Variants in CAST observed in about 807,000 individuals in gnomAD.
CAST encodes the protein calpastatin.
In CAST, 76 loss-of-function variants were observed where a neutral mutation model predicts 119.6. The ratio of observed to expected loss-of-function variants is 0.64; its 90% confidence interval spans 0.53 to 0.77. CAST has a LOEUF of 0.77. CAST is among the 30% of genes least tolerant of loss of function. The pLI, the probability that CAST is intolerant of heterozygous loss-of-function variation, is 0.00. For synonymous variants in CAST, 319 were observed against 331.6 expected (o/e 0.96, Z 0.41); for missense variants, 953 against 946.5 (o/e 1.01, Z -0.09).
At chr5:96,232,170 C>A in the CAST span, among the ~76,000 whole-genome samples, 2 of 151,964 alleles carry the variant, frequency 1.3e-5, no homozygotes, top group Non-Finnish European at 1.5e-5. Flanking sequence ...AAGATACTTA[C>A]AAAAAATTGA....
the CAST span, among the ~76,000 whole-genome samples, chr5:96,290,243 G>A: frequency 6.6e-6 from 1 of 152,182 alleles, no homozygotes; most frequent in African/African-American, 2.4e-5. Context: ...GAATATCAAG[G>A]CACAGAAACA....
rs933149084 is a variant in CAST, at chr5:96,753,984, C to T, written c.1525-76C>T. On this transcript the variant is annotated intron_variant, in intron 20 of 31. Transcript: ENST00000675179. ...CCTTTTATCTGAAATAATGATATGCCTTTCTGAATTGATAGCATATGTTTT... is the reference window on the plus strand; with the variant it reads ...CCTTTTATCTGAAATAATGATATGCTTTTCTGAATTGATAGCATATGTTTT... 12 of 819,852 alleles carry T rather than the reference C, an allele frequency of 1.5e-5. No individual in the cohort carries two copies. In the African/African-American group the frequency reaches 1.5e-4, roughly 10 times the overall value. The allele number at this position is 819,852 out of a possible 1,614,324, so 50.8% of individuals were successfully genotyped here.
rs11375615 is a variant in CAST at position 96,561,796 on chromosome 5, G to GTTTTTTTTTTTTTTTTTTT, written c.60+31930_60+31931insTTTTTTTTTTTTTTTTTTT. ...GTGTATTATATATATGTTTTTTTTT[G>GTTTTTTTTTTTTTTTTTTT]TTTTTTTTTTTTTTGAGACGGAGTC... On this transcript the variant is annotated intron_variant, in intron 1 of 11. Transcript: ENST00000505143. Among the ~76,000 whole-genome samples the GTTTTTTTTTTTTTTTTTTT allele has an allele frequency of 1.2e-3, 116 of 97,398 alleles. 1 individual carries two copies. The highest frequency in any genetic ancestry group is 3.0e-3 in the South Asian group (7 of 2,336). The allele number at this position is 97,398 out of a possible 152,430, so 63.9% of individuals were successfully genotyped here. A position where few individuals can be genotyped will look rare whatever the true frequency, so the allele number is the denominator to read the frequency against.
chr5:96,399,138 C>A, the CAST span: 3 of 801,588 alleles, frequency 3.7e-6, no homozygotes, highest in Non-Finnish European at 6.3e-6. Context: ...CTCAACTAAG[C>A]TTTTTGTCAC....
the CAST span, among the ~76,000 whole-genome samples, chr5:96,268,633 A>G: frequency 6.6e-6 from 1 of 152,170 alleles, no homozygotes; most frequent in African/African-American, 2.4e-5. Context: ...AAGGCACAGC[A>G]TAGCTGAATG....
At chr5:96,175,806 A>G in the CAST span, among the ~76,000 whole-genome samples, 4 of 152,230 alleles carry the variant, frequency 2.6e-5, no homozygotes, top group African/African-American at 9.6e-5. Flanking sequence ...TAGTTTGCTC[A>G]AACTTTTGTG....
intron 1 of CAST, among the ~76,000 whole-genome samples, chr5:96,584,215 A>T (rs1280428855): frequency 6.6e-6 from 1 of 152,160 alleles, no homozygotes; most frequent in Non-Finnish European, 1.5e-5. Context: ...CACAACCTAG[A>T]TCCTTGGCAT....
At chr5:96,633,817 G>A (rs1364356344) in intron 1 of CAST, among the ~76,000 whole-genome samples, 3 of 152,192 alleles carry the variant, frequency 2.0e-5, no homozygotes, top group Non-Finnish European at 4.4e-5. Context: ...TCTAGCGAAA[G>A]GTTCAGCTTC....
chr5:96,272,307 C>T, the CAST span, among the ~76,000 whole-genome samples: 3 of 152,152 alleles, frequency 2.0e-5, no homozygotes, highest in African/African-American at 7.2e-5. Flanking sequence ...TATCTCTGTA[C>T]TCCCATGTTT....
chr5:96,473,005 A>C, the CAST span, among the ~76,000 whole-genome samples: 2 of 152,164 alleles, frequency 1.3e-5, no homozygotes, highest in African/African-American at 4.8e-5. Flanking sequence ...CTGCTCCCAT[A>C]GCCACATGGC....
chr5:96,540,969 T>C (rs1025318233), intron 1 of CAST, among the ~76,000 whole-genome samples: 17 of 152,186 alleles, frequency 1.1e-4, no homozygotes, highest in African/African-American at 3.9e-4. Context: ...AAGTAGTTTT[T>C]GTCAGGTTTG....
chr5:96,567,013 G>A (rs577204895), intron 1 of CAST, among the ~76,000 whole-genome samples: 33 of 152,294 alleles, frequency 2.2e-4, no homozygotes, highest in Admixed American at 1.0e-3. Flanking sequence ...GAAGGGCCAC[G>A]AGGGCTGGTG....
chr5:96,305,439 C>A, the CAST span, among the ~76,000 whole-genome samples: 1 of 152,166 alleles, frequency 6.6e-6, no homozygotes, highest in South Asian at 2.1e-4. Flanking sequence ...TTTGAATACG[C>A]TTTATTGCTT....
chr5:96,005,941 A>G, the CAST span, among the ~76,000 whole-genome samples: 1 of 152,212 alleles, frequency 6.6e-6, no homozygotes. Flanking sequence ...GATTTTCAAG[A>G]CAAAATTAAA....
At chr5:96,142,982 T>G in the CAST span, among the ~76,000 whole-genome samples, 1 of 152,194 alleles carries the variant, frequency 6.6e-6, no homozygotes, top group Non-Finnish European at 1.5e-5. Context: ...ACCCTGAAGT[T>G]TGACACTCTG....
chr5:96,299,830 A>T, the CAST span, among the ~76,000 whole-genome samples: 1 of 152,056 alleles, frequency 6.6e-6, no homozygotes, highest in Non-Finnish European at 1.5e-5. Context: ...GTACAAAGTG[A>T]TGATGTGATT....
At chr5:96,429,390 C>G in the CAST span, 1 of 836,424 alleles carries the variant, frequency 1.2e-6, no homozygotes, top group Non-Finnish European at 2.0e-6. Context: ...TAAAACTCAG[C>G]TAACTTAGAG....
chr5:96,045,909 G>A, the CAST span, among the ~76,000 whole-genome samples: 1 of 152,160 alleles, frequency 6.6e-6, no homozygotes, highest in African/African-American at 2.4e-5. Context: ...TCACAGTATG[G>A]AGACAGAAAG....
In CAST at chr5:96,750,030, T is replaced by C. The variant is rs75870016; in HGVS notation, c.1429-557T>C. Among the ~76,000 whole-genome samples, 68 of 152,308 alleles carry C rather than the reference T, an allele frequency of 4.5e-4. 1 individual carries two copies. In the East Asian group the frequency reaches 9.8e-3, roughly 22 times the overall value. On this transcript the variant is annotated intron_variant, in intron 19 of 31. Transcript: ENST00000675179. ...CTAGGTTCCCTTATGGTGCTGAGGC[T>C]GTTAGTTCAGGGATTACACTTCCAA...
Sources: allele counts gnomAD v4.1 joint callset (sites outside exome capture counted in the v4.1 genomes callset), GRCh38; gene constraint gnomAD v4.1.1; transcripts MANE v1.5; gene names NCBI Gene and HGNC (gene_info 2026-07-23, HGNC 2026-07-21).